The following ZNF420 variants were observed in gnomAD, a reference collection of about 807,000 sequenced individuals.
ZNF420 encodes the protein ATM and p53-associated KZNF protein.
In ZNF420, 31 loss-of-function variants were observed where a neutral mutation model predicts 44.7. The observed-to-expected ratio is 0.69, with a 90% CI of 0.52 to 0.94. ZNF420 has a LOEUF of 0.94. Among genes scored for constraint, ZNF420 ranks in the 40% least tolerant of loss-of-function variants. The pLI is 0.00. For missense variants in ZNF420, 681 were observed against 827.9 expected, an observed-to-expected ratio of 0.82 and a Z score of 2.18; for synonymous variants, 245 against 267.4, an observed-to-expected ratio of 0.92 and a Z score of 0.82.
At chr19:37,075,634 C>T (rs1408836787), upstream of ZNF420, among the ~76,000 whole-genome samples, 3 of 151,898 alleles carry the variant, frequency 2.0e-5, no homozygotes, top group East Asian at 1.9e-4. Context: ...CCCAGCTACT[C>T]GGGAGGCTGA....
At chr19:37,011,935 G>C (rs1007187965) in intron 1 of ZNF420, among the ~76,000 whole-genome samples, 11 of 152,174 alleles carry the variant, frequency 7.2e-5, no homozygotes, top group Non-Finnish European at 1.5e-4. Context: ...TCCCAGGGGC[G>C]AGGGAGGCAG....
rs117235722 is a variant in ZNF420 at position 37,082,912 on chromosome 19, G to A, written c.-81+2524G>A. Among the ~76,000 whole-genome samples the A allele has an allele frequency of 6.2e-3, 943 of 152,302 alleles. 28 individuals carry two copies. The highest frequency in any genetic ancestry group is 0.05 in the East Asian group (257 of 5,180). ...ACATAACATATATCTAAAATCAAAA[G>A]TACAGAATAAGATGAATTTGAAGAA... On this transcript the variant is annotated intron_variant, in intron 2 of 4. Coordinates refer to ENST00000337995, the MANE Select transcript of ZNF420 (RefSeq NM_144689.5).
At chr19:37,045,953 C>T (rs1016871501) in intron 1 of ZNF420, among the ~76,000 whole-genome samples, 1 of 152,198 alleles carries the variant, frequency 6.6e-6, no homozygotes, top group Non-Finnish European at 1.5e-5. Flanking sequence ...GCACTTCTTA[C>T]ATGGCAGTGG....
intron 1 of ZNF420, among the ~76,000 whole-genome samples, chr19:37,064,928 C>G (rs115533624): frequency 0.013 from 2,051 of 152,196 alleles, 54 homozygotes; most frequent in African/African-American, 0.047. Flanking sequence ...GGGACCGGAC[C>G]CAGGGGGCCA....
At chr19:37,074,234 C>T (rs1968109856), upstream of ZNF420, among the ~76,000 whole-genome samples, 1 of 152,204 alleles carries the variant, frequency 6.6e-6, no homozygotes, top group Non-Finnish European at 1.5e-5. Flanking sequence ...AGGTGCACAT[C>T]TCCTTGAACC....
chr19:37,044,673 C>T (rs1424867088), intron 1 of ZNF420, among the ~76,000 whole-genome samples: 1 of 152,076 alleles, frequency 6.6e-6, no homozygotes, highest in Non-Finnish European at 1.5e-5. Context: ...CGAGACCAGC[C>T]TGGCCAACAT....
At chr19:37,123,514 A>T (rs1218520264) in intron 4 of ZNF420, among the ~76,000 whole-genome samples, 1 of 151,660 alleles carries the variant, frequency 6.6e-6, no homozygotes, top group Non-Finnish European at 1.5e-5. Flanking sequence ...GGGTAGCTCT[A>T]ACTTCAGAGC....
intron 1 of ZNF420, among the ~76,000 whole-genome samples, chr19:37,038,731 T>G (rs1038708486): frequency 6.6e-6 from 1 of 152,134 alleles, no homozygotes; most frequent in South Asian, 2.1e-4. Context: ...GGCAGGAGGA[T>G]GATCTGAGCT....
At chr19:37,070,785 C>A (rs1036747937) in intron 1 of ZNF420, among the ~76,000 whole-genome samples, 12 of 152,252 alleles carry the variant, frequency 7.9e-5, no homozygotes, top group Admixed American at 3.9e-4. Flanking sequence ...ATTGGAAAAT[C>A]CCCTTTGGAA....
chr19:37,088,363 TA>T (rs1968948485), intron 2 of ZNF420, among the ~76,000 whole-genome samples: 1 of 152,254 alleles, frequency 6.6e-6, no homozygotes, highest in African/African-American at 2.4e-5. Flanking sequence ...TGGATGGTTT[TA>T]CTATTAGCTG....
At chr19:37,019,775 A>C (rs547225830) in intron 1 of ZNF420, among the ~76,000 whole-genome samples, 3,668 of 151,892 alleles carry the variant, frequency 0.024, 163 homozygotes, top group African/African-American at 0.083. Flanking sequence ...GTCACAAAAA[A>C]AAAAAAATTA....
At chr19:37,049,279 G>C (rs1967596960) in intron 1 of ZNF420, among the ~76,000 whole-genome samples, 2 of 152,192 alleles carry the variant, frequency 1.3e-5, no homozygotes, top group African/African-American at 4.8e-5. Flanking sequence ...CTAGATCCCT[G>C]AGGAAGCACC....
chr19:37,025,233 A>G lies in ZNF420; in HGVS notation c.-125+17151A>G, dbSNP rs372970217. On this transcript the variant is annotated intron_variant, in intron 1 of 4. Transcript: ENST00000587029. ...CTTTACATTCATAGGTTTTCTCAGC[A>G]TCATCTCTTGTTCATTGAACATGTA... 1.8e-4 allele frequency: 62 copies of G among 341,794 alleles called. 4 individuals are homozygous for G. The highest frequency in any genetic ancestry group is 9.2e-4 in the East Asian group (16 of 17,380). The allele number at this position is 341,794 out of a possible 1,614,324, so 21.2% of individuals were successfully genotyped here. A position where few individuals can be genotyped will look rare whatever the true frequency, so the allele number is the denominator to read the frequency against.
chr19:37,013,691 C>T (rs1168305690), intron 1 of ZNF420, among the ~76,000 whole-genome samples: 2 of 152,128 alleles, frequency 1.3e-5, no homozygotes, highest in Non-Finnish European at 2.9e-5. Context: ...AACGGTCCCA[C>T]GGACCTCAAG....
In ZNF420 at chr19:37,066,318, C is replaced by T. The variant is rs898376963; in HGVS notation, c.-124-14027C>T. On this transcript the variant is annotated intron_variant, in intron 1 of 4. Coordinates refer to the ZNF420 transcript ENST00000587029. ...ATTAGCTGGGCATAGTGGCATGCGC[C>T]TGTAGTCCCAGCTACTCAGGAGGCT... is the stretch of plus-strand genomic sequence containing the variant. 6.3e-4 allele frequency among the ~76,000 whole-genome samples: 96 copies of T among 152,038 alleles called. 1 individual carries two copies. The highest frequency in any genetic ancestry group is 8.8e-5 in the Non-Finnish European group (6 of 68,020).
intron 1 of ZNF420, among the ~76,000 whole-genome samples, chr19:37,068,201 C>A (rs1968000850): frequency 6.6e-6 from 1 of 151,554 alleles, no homozygotes; most frequent in African/African-American, 2.4e-5. Context: ...TGCAAAAGTA[C>A]TAAAATAATA....
intron 4 of ZNF420, among the ~76,000 whole-genome samples, chr19:37,102,749 G>C (rs1198228703): frequency 6.6e-6 from 1 of 152,180 alleles, no homozygotes; most frequent in Non-Finnish European, 1.5e-5. Context: ...GAGGGGATAT[G>C]AGTGGGTTAC....
chr19:37,086,673 C>G (rs547915644), intron 2 of ZNF420, among the ~76,000 whole-genome samples: 1 of 152,258 alleles, frequency 6.6e-6, no homozygotes, highest in African/African-American at 2.4e-5. Flanking sequence ...GTTGTTAAAT[C>G]TCTACATTTG....
chr19:37,009,850 C>G (rs2074554848), intron 1 of ZNF420, among the ~76,000 whole-genome samples: 2 of 152,140 alleles, frequency 1.3e-5, no homozygotes, highest in South Asian at 4.1e-4. Flanking sequence ...CCTGAACCTC[C>G]TCTTCCACTG....
Sources: allele counts gnomAD v4.1 joint callset (sites outside exome capture counted in the v4.1 genomes callset), GRCh38; gene constraint gnomAD v4.1.1; transcripts MANE v1.5; gene names NCBI Gene and HGNC (gene_info 2026-07-23, HGNC 2026-07-21).